FHIT: variants seen among roughly 807,000 people sequenced by gnomAD.
FHIT encodes the protein bis(5'-adenosyl)-triphosphatase.
In FHIT, 19 loss-of-function variants were observed where a neutral mutation model predicts 17.9. That is an observed-to-expected ratio of 1.06 (90% CI 0.74 to 1.56). The LOEUF (loss-of-function observed/expected upper bound fraction) is 1.56, where lower values mean the gene tolerates loss of function less well. Ranked by LOEUF, FHIT falls within the 40% of genes most tolerant of loss-of-function variation. The pLI, the probability that FHIT is intolerant of heterozygous loss-of-function variation, is 0.00. For missense variants in FHIT, 248 were observed against 189.2 expected (o/e 1.31, Z -1.82); for synonymous variants, 81 against 69.7 (o/e 1.16, Z -0.81).
intron 5 of FHIT, among the ~76,000 whole-genome samples, chr3:60,152,905 T>C (rs929409996): frequency 6.6e-6 from 1 of 152,154 alleles, no homozygotes; most frequent in Non-Finnish European, 1.5e-5. Flanking sequence ...AACCTCAGGA[T>C]CCATTCATGC....
chr3:59,912,302 G>A (rs1420388093), intron 8 of FHIT, among the ~76,000 whole-genome samples: 4 of 152,134 alleles, frequency 2.6e-5, no homozygotes, highest in African/African-American at 9.7e-5. Flanking sequence ...ATGCCCCAGG[G>A]AAAGAAGGTA....
intron 4 of FHIT, among the ~76,000 whole-genome samples, chr3:60,789,912 G>A (rs1700718502): frequency 6.6e-6 from 1 of 152,202 alleles, no homozygotes; most frequent in Non-Finnish European, 1.5e-5. Context: ...ACAGGTGGAT[G>A]TGAGGTCACC....
intron 4 of FHIT, among the ~76,000 whole-genome samples, chr3:60,784,681 C>G (rs1700503940): frequency 6.6e-6 from 1 of 152,114 alleles, no homozygotes; most frequent in Admixed American, 6.6e-5. Context: ...TCTCTTAAAG[C>G]CTAGGGGAGG....
chr3:60,974,324 G>T (rs1273943004), intron 3 of FHIT, among the ~76,000 whole-genome samples: 3 of 152,070 alleles, frequency 2.0e-5, no homozygotes, highest in Non-Finnish European at 2.9e-5. Flanking sequence ...CTCAGGTCTG[G>T]TCAGTCCCTG....
At chr3:60,737,243 T>C (rs1490593187) in intron 4 of FHIT, among the ~76,000 whole-genome samples, 1 of 152,220 alleles carries the variant, frequency 6.6e-6, no homozygotes, top group African/African-American at 2.4e-5. Context: ...GGATGCATTG[T>C]CTGGATAAAC....
intron 5 of FHIT, among the ~76,000 whole-genome samples, chr3:60,027,776 G>A (rs1309635841): frequency 6.6e-6 from 1 of 151,334 alleles, no homozygotes; most frequent in Non-Finnish European, 1.5e-5. Flanking sequence ...GATTTTCAGT[G>A]TTATTGATAT....
chr3:60,574,982 TGCCTGTCACATCTTTATGG>T (rs1363105580), intron 4 of FHIT, among the ~76,000 whole-genome samples: 1 of 152,010 alleles, frequency 6.6e-6, no homozygotes, highest in African/African-American at 2.4e-5. Context: ...ACATCGTTTG[TGCCTGTCACATCTTTATGG>T]GCCCAAGAAT....
chr3:59,899,654 C>A (rs9851655), intron 8 of FHIT, among the ~76,000 whole-genome samples: 4 of 150,988 alleles, frequency 2.6e-5, no homozygotes, highest in Non-Finnish European at 5.9e-5. Context: ...GGCAATATGG[C>A]GAAACCCCGT....
intron 4 of FHIT, among the ~76,000 whole-genome samples, chr3:60,724,774 G>C (rs781960417): frequency 2.7e-5 from 4 of 150,024 alleles, no homozygotes; most frequent in Non-Finnish European, 4.4e-5. Flanking sequence ...TTAGCCTCAT[G>C]AGTAGCTGGG....
intron 2 of FHIT, among the ~76,000 whole-genome samples, chr3:61,158,402 G>A (rs1349010417): frequency 2.6e-5 from 4 of 152,090 alleles, no homozygotes; most frequent in Admixed American, 6.6e-5. Context: ...AAATAAAACC[G>A]CAGGCCACCA....
chr3:60,470,547 A>G (rs1357008659), intron 5 of FHIT, among the ~76,000 whole-genome samples: 1 of 151,874 alleles, frequency 6.6e-6, no homozygotes, highest in Non-Finnish European at 1.5e-5. Flanking sequence ...TCGAGGTCCA[A>G]GGGCTCTTCA....
chr3:60,950,937 C>T (rs982092131), intron 3 of FHIT, among the ~76,000 whole-genome samples: 1 of 152,090 alleles, frequency 6.6e-6, no homozygotes, highest in East Asian at 1.9e-4. Context: ...GGAACAGCAG[C>T]TTCATTGTGA....
intron 8 of FHIT, among the ~76,000 whole-genome samples, chr3:59,867,615 G>A (rs1374381897): frequency 6.6e-6 from 1 of 151,770 alleles, no homozygotes. Context: ...TTGTGTGATT[G>A]CCTTAATCCT....
At position 60,451,469 on chromosome 3, in the gene FHIT, AAGAATTCCAGAAAACTGATACT is replaced by A. The variant is rs2031740675; in HGVS notation, c.103+85369_103+85390del. On this transcript the variant is annotated intron_variant, in intron 5 of 9. Coordinates refer to ENST00000492590, the MANE Select transcript of FHIT (RefSeq NM_002012.4). Reference sequence around the variant, plus strand: ...TGTCTTTGACATATTTAACTGTTACAAGAATTCCAGAAAACTGATACTAGAAAAAAATGAAACCATATAGTAC... The same window carrying A: ...TGTCTTTGACATATTTAACTGTTACAAGAAAAAAATGAAACCATATAGTAC... Among the ~76,000 whole-genome samples the A allele has an allele frequency of 9.8e-5, 15 of 152,318 alleles. No homozygotes were observed. The South Asian group carries it at 2.9e-3, about 30-fold the overall frequency.
intron 5 of FHIT, among the ~76,000 whole-genome samples, chr3:60,438,515 T>G (rs1028403622): frequency 6.6e-6 from 1 of 152,120 alleles, no homozygotes; most frequent in Non-Finnish European, 1.5e-5. Context: ...CACTTAACTT[T>G]CAAAATATGC....
intron 2 of FHIT, among the ~76,000 whole-genome samples, chr3:61,188,284 T>A (rs888616989): frequency 6.6e-6 from 1 of 152,034 alleles, no homozygotes; most frequent in African/African-American, 2.4e-5. Flanking sequence ...CAAACTACCA[T>A]CAGAGAATAC....
chr3:59,805,958 G>T (rs548542647), intron 8 of FHIT, among the ~76,000 whole-genome samples: 1 of 152,236 alleles, frequency 6.6e-6, no homozygotes, highest in East Asian at 1.9e-4. Flanking sequence ...GAGGCGGGCA[G>T]ATCACGAGGT....
chr3:60,648,031 G>A (rs1365899488), intron 4 of FHIT, among the ~76,000 whole-genome samples: 1 of 152,178 alleles, frequency 6.6e-6, no homozygotes, highest in Non-Finnish European at 1.5e-5. Context: ...AATATGCAGG[G>A]TTTGGACTTC....
At chr3:60,578,440 AAC>A (rs71748891) in intron 4 of FHIT, among the ~76,000 whole-genome samples, 6,189 of 144,270 alleles carry the variant, frequency 0.043, 221 homozygotes, top group African/African-American at 0.11. Context: ...CCATCTACAA[AAC>A]ACACACACAC....
Sources: gnomAD v4.1 joint callset for allele counts (sites outside exome capture counted in the v4.1 genomes callset) on GRCh38, gnomAD v4.1.1 for gene constraint, MANE v1.5 for transcripts, NCBI Gene and HGNC (gene_info 2026-07-23, HGNC 2026-07-21) for gene names.